The following CENPK variants were observed in gnomAD, a reference collection of about 807,000 sequenced individuals.
The protein encoded by CENPK is SoxLZ/Sox6-binding protein Solt.
CENPK carries 46 observed loss-of-function variants against 40.9 expected under a neutral mutation model. The ratio of observed to expected loss-of-function variants is 1.13; its 90% CI spans 0.89 to 1.44. The LOEUF (loss-of-function observed/expected upper bound fraction) is 1.44. CENPK is among the 40% of genes most tolerant of loss of function. The probability of loss-of-function intolerance (pLI) is 0.00; values close to 1 mark genes in which losing one functional copy is unlikely to be tolerated. For missense variants in CENPK, 288 were observed against 303.5 expected (o/e 0.95, Z 0.38); for synonymous variants, 107 against 104.4 (o/e 1.02, Z -0.15).
rs141729484 is a variant in CENPK at position 65,554,832 on chromosome 5, T to C, written c.76A>G (p.Arg26Gly). 3.3e-4 allele frequency: 534 copies of C among 1,598,444 alleles called. 4 individuals carry two copies. The African/African-American group carries it at 6.5e-3, about 19-fold the overall frequency. The change falls in exon 3 of 11, where the codon AGA (arginine) becomes GGA (glycine). Residue 26 changes from arginine to glycine, a missense_variant. Arg to Gly is a moderately radical substitution (Grantham distance 125, BLOSUM62 -2). Transcript: ENST00000396679. ...DVTNTEEELI[R>G]ECEEMWKDME... The stretch of plus-strand genomic sequence containing the variant: ...TCTTTCCACATTTCTTCACATTCTC[T>C]AATAAGTTCTTCTTCAGTATTTGTA...
intron 9 of CENPK, among the ~76,000 whole-genome samples, chr5:65,524,361 G>A (rs1030415459): frequency 2.6e-4 from 39 of 151,372 alleles, no homozygotes; most frequent in African/African-American, 9.5e-4. Flanking sequence ...CTCCAGCGTG[G>A]GCAACAAAGC....
chr5:65,517,523 A>G (rs927533517), downstream of CENPK, among the ~76,000 whole-genome samples: 2 of 152,178 alleles, frequency 1.3e-5, no homozygotes, highest in African/African-American at 2.4e-5. Flanking sequence ...TATACTTCAA[A>G]TATTTGTTTA....
chr5:65,501,443 TG>T, the CENPK span, among the ~76,000 whole-genome samples: 144 of 152,268 alleles, frequency 9.5e-4, no homozygotes, highest in East Asian at 0.026. Flanking sequence ...CCTCCCAAGA[TG>T]CTGGGATTAT....
intron 3 of CENPK, among the ~76,000 whole-genome samples, chr5:65,552,905 T>G (rs1750345769): frequency 6.6e-6 from 1 of 151,866 alleles, no homozygotes; most frequent in Non-Finnish European, 1.5e-5. Context: ...TCCTAAGAAA[T>G]CCTAAGAAAA....
the CENPK span, among the ~76,000 whole-genome samples, chr5:65,501,131 T>G: frequency 6.6e-6 from 1 of 151,996 alleles, no homozygotes; most frequent in Non-Finnish European, 1.5e-5. Context: ...GCTGAGACTT[T>G]CTATTTTCAT....
chr5:65,520,989 G>C (rs1743619142), intron 10 of CENPK, among the ~76,000 whole-genome samples: 1 of 152,122 alleles, frequency 6.6e-6, no homozygotes, highest in South Asian at 2.1e-4. Context: ...GGAAAACTCA[G>C]TACTTACACT....
chr5:65,541,217 T>A (rs1432249032), intron 6 of CENPK: 1 of 342,544 alleles, frequency 2.9e-6, no homozygotes, highest in Non-Finnish European at 5.9e-6. Context: ...TAATTAAACC[T>A]GAGGAGGAGG....
At chr5:65,549,325 G>A (rs981364916) in intron 5 of CENPK, among the ~76,000 whole-genome samples, 1 of 152,144 alleles carries the variant, frequency 6.6e-6, no homozygotes, top group Non-Finnish European at 1.5e-5. Flanking sequence ...TGCACAGGCA[G>A]AGTAGATTTG....
At chr5:65,522,554 G>A (rs576747861) in intron 9 of CENPK, among the ~76,000 whole-genome samples, 13 of 151,990 alleles carry the variant, frequency 8.6e-5, no homozygotes, top group African/African-American at 2.7e-4. Flanking sequence ...TCAGCCTCCC[G>A]AGTAGCTGGG....
At chr5:65,541,980 C>A (rs1009272661) in intron 6 of CENPK, among the ~76,000 whole-genome samples, 1 of 152,180 alleles carries the variant, frequency 6.6e-6, no homozygotes, top group African/African-American at 2.4e-5. Context: ...TGAGGGCTCA[C>A]CTCTTCACAG....
chr5:65,504,349 C>T, the CENPK span, among the ~76,000 whole-genome samples: 17 of 149,132 alleles, frequency 1.1e-4, no homozygotes, highest in African/African-American at 1.7e-4. Flanking sequence ...CCAGATACTC[C>T]GGAGGCCTAG....
intron 2 of CENPK, among the ~76,000 whole-genome samples, chr5:65,555,909 G>C (rs1750899136): frequency 6.6e-6 from 1 of 152,190 alleles, no homozygotes; most frequent in African/African-American, 2.4e-5. Context: ...ATACATGTCT[G>C]CAGTTGAAAG....
At chr5:65,510,881 G>A in the CENPK span, among the ~76,000 whole-genome samples, 2 of 152,082 alleles carry the variant, frequency 1.3e-5, no homozygotes, top group Non-Finnish European at 2.9e-5. Flanking sequence ...AGAAGAGGAA[G>A]AGAGATATTC....
chr5:65,524,945 G>A (rs1429675880), intron 9 of CENPK, among the ~76,000 whole-genome samples: 1 of 152,118 alleles, frequency 6.6e-6, no homozygotes, highest in African/African-American at 2.4e-5. Context: ...TGTTTTTCAT[G>A]ATTCACTTGT....
At chr5:65,539,209 G>A (rs541823535) in intron 6 of CENPK, among the ~76,000 whole-genome samples, 7 of 152,240 alleles carry the variant, frequency 4.6e-5, no homozygotes, top group South Asian at 2.1e-4. Context: ...TTCCTCACAT[G>A]CAAAAATACA....
intron 6 of CENPK, among the ~76,000 whole-genome samples, chr5:65,538,582 C>T (rs1234336294): frequency 3.9e-5 from 6 of 152,020 alleles, no homozygotes; most frequent in South Asian, 2.1e-4. Flanking sequence ...ATTTTCTCAG[C>T]GAAAGATTCA....
intron 6 of CENPK, among the ~76,000 whole-genome samples, chr5:65,535,305 G>A (rs1221078896): frequency 2.6e-5 from 4 of 152,106 alleles, no homozygotes; most frequent in Non-Finnish European, 5.9e-5. Flanking sequence ...GACCTAGACT[G>A]CAAAAACCTT....
chr5:65,533,775 C>G (rs1746335626), intron 6 of CENPK, among the ~76,000 whole-genome samples: 3 of 151,844 alleles, frequency 2.0e-5, no homozygotes, highest in African/African-American at 4.8e-5. Context: ...GGGTGCAGTG[C>G]CTCAAGCCTG....
intron 5 of CENPK, among the ~76,000 whole-genome samples, chr5:65,549,204 A>G (rs572754953): frequency 1.1e-4 from 17 of 152,052 alleles, no homozygotes; most frequent in Non-Finnish European, 2.1e-4. Context: ...TTTTGAAAGG[A>G]ATCTTTTTTT....
Sources: allele counts gnomAD v4.1 joint callset (sites outside exome capture counted in the v4.1 genomes callset), GRCh38; gene constraint gnomAD v4.1.1; transcripts MANE v1.5; gene names NCBI Gene and HGNC (gene_info 2026-07-23, HGNC 2026-07-21).